Variants in DGKB observed in about 807,000 individuals in gnomAD.
The protein encoded by DGKB is 90 kDa diacylglycerol kinase.
DGKB carries 67 observed loss-of-function variants against 114.3 expected under a neutral mutation model. The ratio of observed to expected loss-of-function variants is 0.59; its 90% CI spans 0.48 to 0.72. The LOEUF (loss-of-function observed/expected upper bound fraction) is 0.72. DGKB is among the 30% of genes least tolerant of loss of function. The pLI is 0.00. For missense variants in DGKB, 907 were observed against 975.2 expected (o/e 0.93, Z 0.93); for synonymous variants, 398 against 323.1 (o/e 1.23, Z -2.49).
At chr7:14,583,166 A>T (rs368271989) in intron 17 of DGKB, 29 bp from the exon 18 acceptor site, 5 of 1,344,148 alleles carry the variant, frequency 3.7e-6, no homozygotes, top group East Asian at 4.7e-5. Context: ...ATGGCACATG[A>T]TTAATAGTTT....
intron 1 of DGKB, among the ~76,000 whole-genome samples, chr7:14,887,539 A>G (rs1050787425): frequency 1.3e-5 from 2 of 151,350 alleles, no homozygotes; most frequent in African/African-American, 2.4e-5. Flanking sequence ...GTCTCCAACA[A>G]CTCCCCTTAA....
At chr7:14,354,711 C>G (rs950322602) in intron 21 of DGKB, among the ~76,000 whole-genome samples, 9 of 152,190 alleles carry the variant, frequency 5.9e-5, no homozygotes, top group Admixed American at 2.0e-4. Flanking sequence ...CCATAGTTAC[C>G]AAGCAATCTG....
chr7:14,534,834 T>C (rs1426914612), intron 20 of DGKB, among the ~76,000 whole-genome samples: 19 of 152,204 alleles, frequency 1.2e-4, no homozygotes, highest in Admixed American at 1.2e-3. Context: ...AGATTGATTA[T>C]TTCAAGTATG....
chr7:14,574,082 G>C (rs960449333), intron 20 of DGKB, 130 bp downstream of exon 20: 38 of 658,446 alleles, frequency 5.8e-5, no homozygotes, highest in East Asian at 1.9e-4. Flanking sequence ...TTGCCTATTA[G>C]AAGAGATGTT....
intron 20 of DGKB, among the ~76,000 whole-genome samples, chr7:14,536,991 C>T (rs1792613654): frequency 6.6e-6 from 1 of 152,102 alleles, no homozygotes; most frequent in Admixed American, 6.5e-5. Flanking sequence ...GTAGTAAACA[C>T]AGAAAAAGCA....
At chr7:14,514,701 A>C (rs1213104722) in intron 20 of DGKB, among the ~76,000 whole-genome samples, 1 of 152,176 alleles carries the variant, frequency 6.6e-6, no homozygotes, top group East Asian at 1.9e-4. Flanking sequence ...TAATAAAATG[A>C]ATGTTCTCAA....
intron 6 of DGKB, among the ~76,000 whole-genome samples, chr7:14,713,423 A>G (rs1251103941): frequency 1.6e-5 from 2 of 122,266 alleles, no homozygotes; most frequent in Non-Finnish European, 3.8e-5. Flanking sequence ...CTTTAAAAGC[A>G]GAGGTGAAAA....
chr7:14,796,017 G>C (rs1202276414), intron 2 of DGKB, among the ~76,000 whole-genome samples: 2 of 152,006 alleles, frequency 1.3e-5, no homozygotes, highest in African/African-American at 2.4e-5. Context: ...TCTCTAATAG[G>C]AATTAATTTT....
intron 1 of DGKB, among the ~76,000 whole-genome samples, chr7:14,900,776 A>G (rs1212575658): frequency 1.3e-5 from 2 of 152,170 alleles, no homozygotes; most frequent in African/African-American, 4.8e-5. Context: ...AGGCATTGCC[A>G]CCGCTCAACT....
At chr7:14,279,350 C>T (rs1357509155) in intron 23 of DGKB, among the ~76,000 whole-genome samples, 2 of 152,156 alleles carry the variant, frequency 1.3e-5, no homozygotes, top group African/African-American at 4.8e-5. Flanking sequence ...AACAAAGCAA[C>T]TGGGAAGCTC....
intron 2 of DGKB, among the ~76,000 whole-genome samples, chr7:14,790,492 A>AT (rs1168253862): frequency 3.1e-5 from 4 of 127,558 alleles, no homozygotes; most frequent in South Asian, 2.4e-4. Flanking sequence ...ATTTAGGCTC[A>AT]TTTTTTTTGT....
chr7:14,509,531 C>A (rs1184889399), intron 20 of DGKB, among the ~76,000 whole-genome samples: 1 of 152,186 alleles, frequency 6.6e-6, no homozygotes, highest in African/African-American at 2.4e-5. Flanking sequence ...TGCCTTTGCT[C>A]AAGGAAATTC....
intron 4 of DGKB, among the ~76,000 whole-genome samples, chr7:14,753,027 T>C (rs951663781): frequency 1.3e-5 from 2 of 152,172 alleles, no homozygotes; most frequent in Non-Finnish European, 2.9e-5. Context: ...TGAGTTGCCA[T>C]GTTACCAATG....
intron 12 of DGKB, among the ~76,000 whole-genome samples, chr7:14,673,869 C>G (rs1350865817): frequency 6.6e-6 from 1 of 151,944 alleles, no homozygotes; most frequent in African/African-American, 2.4e-5. Flanking sequence ...ACTCTTCATA[C>G]TTTAGAAAAA....
chr7:14,798,075 G>T (rs1006067011), intron 2 of DGKB, among the ~76,000 whole-genome samples: 4 of 152,110 alleles, frequency 2.6e-5, no homozygotes, highest in Non-Finnish European at 4.4e-5. Context: ...TGTGCTGATT[G>T]GTCCATGGGT....
intron 21 of DGKB, among the ~76,000 whole-genome samples, chr7:14,436,550 C>T (rs1172678133): frequency 6.6e-6 from 1 of 152,030 alleles, no homozygotes; most frequent in African/African-American, 2.4e-5. Flanking sequence ...TAGTTGTGAC[C>T]ACTCTCTGGC....
intron 20 of DGKB, among the ~76,000 whole-genome samples, chr7:14,545,704 G>A (rs1794175342): frequency 6.6e-6 from 1 of 152,174 alleles, no homozygotes; most frequent in South Asian, 2.1e-4. Context: ...GCTGGGCAAT[G>A]CCCACTCTTC....
intron 21 of DGKB, among the ~76,000 whole-genome samples, chr7:14,403,545 G>A (rs893312455): frequency 2.0e-5 from 3 of 151,716 alleles, no homozygotes; most frequent in African/African-American, 7.3e-5. Context: ...CAAATGCAAG[G>A]CCTTTTAGTG....
intron 13 of DGKB, among the ~76,000 whole-genome samples, chr7:14,653,320 C>T (rs1482535732): frequency 3.9e-5 from 6 of 151,986 alleles, no homozygotes; most frequent in African/African-American, 7.3e-5. Context: ...GAATACTATG[C>T]AGCCATAAAA....
Sources: allele counts gnomAD v4.1 joint callset (sites outside exome capture counted in the v4.1 genomes callset), GRCh38; gene constraint gnomAD v4.1.1; transcripts MANE v1.5; gene names NCBI Gene and HGNC (gene_info 2026-07-23, HGNC 2026-07-21).